The following NPRL3 variants were observed in gnomAD, a reference collection of about 807,000 sequenced individuals.
NPRL3 encodes GATOR1 complex protein NPRL3.
Under a neutral mutation model 57.2 loss-of-function variants are expected in NPRL3, and 23 were observed. The ratio of observed to expected loss-of-function variants is 0.40; its 90% CI spans 0.29 to 0.57. The LOEUF is 0.57. Among genes scored for constraint, NPRL3 ranks in the 20% least tolerant of loss-of-function variants. The pLI is 0.42. For missense variants in NPRL3, 691 were observed against 767.1 expected, an observed-to-expected ratio of 0.90 and a Z score of 1.17; for synonymous variants, 333 against 321.1, an observed-to-expected ratio of 1.04 and a Z score of -0.39.
Position 93,457 on chromosome 16 carries a change from C to G in NPRL3, c.925-132G>C, listed in dbSNP as rs745959395. 2.2e-4 allele frequency: 143 copies of G among 658,518 alleles called. 2 individuals are homozygous for G. In the Middle Eastern group the frequency reaches 2.7e-3, roughly 12 times the overall value. 40.8% of individuals were successfully genotyped at this position (658,518 alleles called of 1,614,324 possible). On this transcript the variant is annotated intron_variant, in intron 9 of 13. Coordinates refer to ENST00000611875, the MANE Select transcript of NPRL3 (RefSeq NM_001077350.3). ...GGCCCCAGCCTCATGCAGAACACAC[C>G]TGGTGGCTATGGCCCGAGACTTCCT...
chr16:90,081 C>T (rs1596496937), intron 11 of NPRL3, 179 bp from the exon 12 acceptor site: 4 of 591,414 alleles, frequency 6.8e-6, no homozygotes, highest in Non-Finnish European at 1.1e-5. Flanking sequence ...AAGGCCCGCT[C>T]ACCCTCCTGG....
chr16:138,030 C>A, intron 2 of NPRL3, 120 bp downstream of exon 2: 1 of 699,840 alleles, frequency 1.4e-6, no homozygotes. Context: ...AAATACTCTA[C>A]AACGAGCAGA....
intron 4 of NPRL3, among the ~76,000 whole-genome samples, chr16:117,653 G>A (rs1900102708): frequency 6.6e-6 from 1 of 152,204 alleles, no homozygotes; most frequent in East Asian, 1.9e-4. Flanking sequence ...GCATAAATGG[G>A]TGGAGGACCC....
Position 86,761 on chromosome 16 carries a change from C to G in NPRL3, c.1654G>C (p.Val552Leu), listed in dbSNP as rs1258990698. 1 of 1,591,872 alleles carries G rather than the reference C, an allele frequency of 6.3e-7. No homozygotes were observed. Among genetic ancestry groups the G allele is most frequent in the Non-Finnish European group, 8.5e-7 (1 of 1,170,226 alleles). Residue 552 changes from valine (V) to leucine (L), a missense_variant, in exon 14 of 14, where the codon GTG (valine) becomes CTG (leucine). Coordinates refer to ENST00000611875, the MANE Select transcript of NPRL3 (RefSeq NM_001077350.3). ...ACAGGGTCCTCGTGGGTGGTCACCA[C>G]CAGCACGCTGCGGAACTTGTCAAAC... Reference protein sequence around the residue: ...MLFDKFRSVLVVTTHEDPVIA... With the variant: ...MLFDKFRSVLLVTTHEDPVIA...
chr16:88,671 A>C, intron 13 of NPRL3, 27 bp downstream of exon 13: 1 of 1,587,040 alleles, frequency 6.3e-7, no homozygotes, highest in Non-Finnish European at 8.6e-7. Flanking sequence ...AACTGGCCCC[A>C]GTCCCAACGG....
intron 9 of NPRL3, among the ~76,000 whole-genome samples, chr16:95,384 CA>C (rs1181867314): frequency 8.6e-6 from 1 of 116,142 alleles, no homozygotes; most frequent in Non-Finnish European, 1.9e-5. Flanking sequence ...CACACACACA[CA>C]ATAAAATGTA....
chr16:93,918 T>A (rs1898876227), intron 9 of NPRL3, among the ~76,000 whole-genome samples: 1 of 152,184 alleles, frequency 6.6e-6, no homozygotes, highest in Non-Finnish European at 1.5e-5. Flanking sequence ...TTTCCCATCC[T>A]ATGCTGTCTT....
intron 8 of NPRL3, 76 bp from the exon 9 acceptor site, chr16:98,377 A>G (rs1189172668): frequency 6.1e-6 from 9 of 1,484,038 alleles, no homozygotes; most frequent in Admixed American, 1.9e-5. Flanking sequence ...GTCCTGCACC[A>G]GGTATGCACC....
At chr16:101,913 C>T (rs772466967) in intron 7 of NPRL3, among the ~76,000 whole-genome samples, 3 of 152,242 alleles carry the variant, frequency 2.0e-5, no homozygotes. Flanking sequence ...CAACCCCTGA[C>T]CCGCTGCCTA....
Position 125,003 on chromosome 16 carries a change from AGAGGT to A in NPRL3, c.188+5514_188+5518del, listed in dbSNP as rs778804314. 3.1e-3 allele frequency: 483 copies of A among 156,220 alleles called. 1 individual carries two copies. Among genetic ancestry groups the A allele is most frequent in the Non-Finnish European group, 4.8e-3 (345 of 72,076 alleles). 9.7% of individuals were successfully genotyped at this position (156,220 alleles called of 1,614,324 possible). ...GAGGCAGGAGAATCGCTTGAACCCT[AGAGGT>A]GAGGTTGCAGCAAGCCGAGATCACA... is the stretch of plus-strand genomic sequence containing the variant. On this transcript the variant is annotated intron_variant, in intron 3 of 13. Transcript: ENST00000611875.
chr16:90,313 A>G (rs1036992921), intron 11 of NPRL3: 1 of 208,710 alleles, frequency 4.8e-6, no homozygotes, highest in Non-Finnish European at 9.6e-6. Context: ...CAGCAAGTCC[A>G]CCTCCACACA....
chr16:95,350 T>TACACACACACACACAC (rs142854412), intron 9 of NPRL3, among the ~76,000 whole-genome samples: 3 of 110,990 alleles, frequency 2.7e-5, no homozygotes, highest in African/African-American at 1.1e-4. Context: ...TATATATATA[T>TACACACACACACACAC]ACACACACAC....
At position 130,970 on chromosome 16, in the gene NPRL3, T is replaced by C. The variant is rs904417296; in HGVS notation, c.119-379A>G. Among the ~76,000 whole-genome samples, 18 of 152,350 alleles carry C rather than the reference T, an allele frequency of 1.2e-4. No homozygotes were observed. The South Asian group carries it at 3.7e-3, about 32-fold the overall frequency. On this transcript the variant is annotated intron_variant, in intron 2 of 13. Coordinates refer to ENST00000611875, the MANE Select transcript of NPRL3 (RefSeq NM_001077350.3). ...ACAGATAGCGGTAATGGCTGCACAC[T>C]ATAATGAATGTAATTAATGCCACTT...
intron 7 of NPRL3, among the ~76,000 whole-genome samples, chr16:100,739 G>A (rs1265923223): frequency 2.7e-5 from 4 of 146,282 alleles, no homozygotes; most frequent in African/African-American, 1.0e-4. Flanking sequence ...GGAGGCCAAG[G>A]TGGGCGGATC....
chr16:128,511 G>A (rs942192969), intron 3 of NPRL3, among the ~76,000 whole-genome samples: 1 of 152,208 alleles, frequency 6.6e-6, no homozygotes, highest in Admixed American at 6.5e-5. Flanking sequence ...GCTCACGCCT[G>A]TAATCCCAGC....
chr16:89,043 T>A, intron 12 of NPRL3, 153 bp from the exon 13 acceptor site: 1 of 702,174 alleles, frequency 1.4e-6, no homozygotes. Flanking sequence ...CTGCCCCACC[T>A]CCTGGGTGTG....
At position 131,208 on chromosome 16, in the gene NPRL3, G is replaced by A. The variant is rs543176746; in HGVS notation, c.119-617C>T. Among the ~76,000 whole-genome samples, 327 of 152,074 alleles carry A rather than the reference G, an allele frequency of 2.2e-3. 1 individual carries two copies. Among genetic ancestry groups the A allele is most frequent in the African/African-American group, 7.0e-3 (291 of 41,486 alleles). ...AAATTAGCCGGGCATGGCTGAGCGC[G>A]GTGGTTCACGCCTGTAATCCCAGCA... On this transcript the variant is annotated intron_variant, in intron 2 of 13. Transcript: ENST00000611875.
intron 6 of NPRL3, among the ~76,000 whole-genome samples, chr16:112,285 A>C (rs992767672): frequency 6.6e-6 from 1 of 152,202 alleles, no homozygotes; most frequent in Non-Finnish European, 1.5e-5. Flanking sequence ...TTCATCTACA[A>C]ATGTGCCCCT....
chr16:110,484 C>A, intron 7 of NPRL3, 41 bp downstream of exon 7: 1 of 1,515,850 alleles, frequency 6.6e-7, no homozygotes. Context: ...GGCAGGCTGG[C>A]CCATAAGAAG....
Sources: gnomAD v4.1 joint callset for allele counts (sites outside exome capture counted in the v4.1 genomes callset) on GRCh38, gnomAD v4.1.1 for gene constraint, MANE v1.5 for transcripts, NCBI Gene and HGNC (gene_info 2026-07-23, HGNC 2026-07-21) for gene names.